Variants in KIAA0825 observed in about 807,000 individuals in gnomAD.
The protein encoded by KIAA0825 is KIAA0825.
In KIAA0825, 119 loss-of-function variants were observed where a neutral mutation model predicts 147.6. The observed-to-expected ratio is 0.81, with a 90% confidence interval of 0.69 to 0.94. The LOEUF (loss-of-function observed/expected upper bound fraction) is 0.94. Among genes scored for constraint, KIAA0825 ranks in the 40% least tolerant of loss-of-function variants. The pLI is 0.00. For synonymous variants in KIAA0825, 470 were observed against 518.1 expected (o/e 0.91, Z 1.26); for missense variants, 1,381 against 1,472.7 (o/e 0.94, Z 1.02).
At chr5:94,562,754 A>C (rs894728239) in intron 2 of KIAA0825, among the ~76,000 whole-genome samples, 15 of 152,342 alleles carry the variant, frequency 9.8e-5, no homozygotes, top group Non-Finnish European at 2.2e-4. Flanking sequence ...TATCAGACCA[A>C]TGACTGTAAT....
intron 20 of KIAA0825, among the ~76,000 whole-genome samples, chr5:94,271,534 G>T (rs527390523): frequency 6.6e-6 from 1 of 152,266 alleles, no homozygotes; most frequent in African/African-American, 2.4e-5. Flanking sequence ...GATCACCTGA[G>T]GTCAAGAGTT....
chr5:94,522,551 A>T (rs1367907218), intron 4 of KIAA0825, among the ~76,000 whole-genome samples: 1 of 151,668 alleles, frequency 6.6e-6, no homozygotes. Context: ...ATCTGCCATA[A>T]TGAGGACCTC....
intron 5 of KIAA0825, among the ~76,000 whole-genome samples, chr5:94,512,104 T>C (rs1389780156): frequency 6.6e-6 from 1 of 152,176 alleles, no homozygotes; most frequent in Non-Finnish European, 1.5e-5. Context: ...TATTCTATCA[T>C]AATGTACATC....
At chr5:94,276,053 C>T (rs1372673939) in intron 20 of KIAA0825, among the ~76,000 whole-genome samples, 1 of 152,086 alleles carries the variant, frequency 6.6e-6, no homozygotes, top group Non-Finnish European at 1.5e-5. Flanking sequence ...GGAATGACAT[C>T]TGCTGCACTG....
intron 20 of KIAA0825, among the ~76,000 whole-genome samples, chr5:94,384,059 A>G (rs1392180961): frequency 6.6e-6 from 1 of 152,174 alleles, no homozygotes; most frequent in Non-Finnish European, 1.5e-5. Flanking sequence ...ACTATTAAAT[A>G]TACAAAGTCA....
intron 14 of KIAA0825, among the ~76,000 whole-genome samples, chr5:94,419,933 A>ATAAG (rs1753958410): frequency 6.6e-6 from 1 of 152,144 alleles, no homozygotes; most frequent in South Asian, 2.1e-4. Flanking sequence ...TCTAAGTGAT[A>ATAAG]TAAGTATGAG....
intron 4 of KIAA0825, among the ~76,000 whole-genome samples, chr5:94,522,576 A>G (rs1768434607): frequency 6.6e-6 from 1 of 151,702 alleles, no homozygotes; most frequent in Non-Finnish European, 1.5e-5. Context: ...TCTTATTTAA[A>G]TCACTAGAAA....
intron 20 of KIAA0825, among the ~76,000 whole-genome samples, chr5:94,201,410 A>C (rs574719742): frequency 3.8e-4 from 57 of 151,756 alleles, no homozygotes; most frequent in Non-Finnish European, 8.0e-4. Flanking sequence ...ATTCAATGAC[A>C]CTTTAAAAAA....
In KIAA0825 at chr5:94,453,022, G is replaced by A; in HGVS notation, c.2294C>T (p.Ser765Leu). 6.5e-7 allele frequency: 1 copy of A among 1,528,554 alleles called. No homozygotes were observed. The highest frequency in any genetic ancestry group is 8.8e-7 in the Non-Finnish European group (1 of 1,138,620). 94.7% of individuals were successfully genotyped at this position (1,528,554 alleles called of 1,614,324 possible). A position where few individuals can be genotyped will look rare whatever the true frequency, so the allele number is the denominator to read the frequency against. ...LDESASDSLK[S>L]FFKQPLYWVS... ...CCAATATAATGGTTGCTTAAAAAAT[G>A]ATTTTAAGGAATCTGAAGCAGACTC... Residue 765 changes from serine (S) to leucine (L), a missense_variant, in exon 13 of 21, where the codon TCA becomes TTA. Ser to Leu is a moderately radical substitution (Grantham distance 145, BLOSUM62 -2). Coordinates refer to ENST00000682413, the MANE Select transcript of KIAA0825 (RefSeq NM_001145678.3).
intron 13 of KIAA0825, among the ~76,000 whole-genome samples, chr5:94,449,621 G>T (rs1758143798): frequency 6.6e-6 from 1 of 152,024 alleles, no homozygotes; most frequent in Non-Finnish European, 1.5e-5. Flanking sequence ...AATGAAAGTG[G>T]GTATTCAAGA....
intron 1 of KIAA0825, chr5:94,594,817 T>C (rs937559910): frequency 4.2e-6 from 2 of 471,496 alleles, no homozygotes; most frequent in Admixed American, 3.1e-5. Flanking sequence ...AAAATGAGTG[T>C]TATCATGTGT....
At chr5:94,307,017 C>A (rs999479085) in intron 20 of KIAA0825, among the ~76,000 whole-genome samples, 2 of 151,760 alleles carry the variant, frequency 1.3e-5, no homozygotes, top group Non-Finnish European at 2.9e-5. Flanking sequence ...CTGACAAACA[C>A]CAACACTTGC....
In KIAA0825 at chr5:94,583,729, G is replaced by C. The variant is rs540696675; in HGVS notation, c.-152-1146C>G. 8.3e-4 allele frequency among the ~76,000 whole-genome samples: 126 copies of C among 152,244 alleles called. 1 individual carries two copies. Among genetic ancestry groups the C allele is most frequent in the Admixed American group, 3.1e-3 (47 of 15,298 alleles). ...AATGGACAGACTGCCTCCTCAAGTG[G>C]GTCCCTGACCCCTGTGTAGCCTGAC... On this transcript the variant is annotated intron_variant, in intron 1 of 20. Transcript: ENST00000682413.
chr5:94,344,454 C>T (rs1281067010), intron 20 of KIAA0825, among the ~76,000 whole-genome samples: 1 of 152,156 alleles, frequency 6.6e-6, no homozygotes, highest in Non-Finnish European at 1.5e-5. Context: ...AACACTTGTG[C>T]ACTGCTAATG....
At chr5:94,192,569 C>T (rs1770767273) in intron 20 of KIAA0825, among the ~76,000 whole-genome samples, 1 of 152,112 alleles carries the variant, frequency 6.6e-6, no homozygotes, top group South Asian at 2.1e-4. Flanking sequence ...GCTGAAGCAT[C>T]CAAATGATTG....
chr5:94,327,446 C>T (rs1054707344), intron 20 of KIAA0825, among the ~76,000 whole-genome samples: 1 of 152,002 alleles, frequency 6.6e-6, no homozygotes, highest in East Asian at 1.9e-4. Context: ...CTCTTCATCA[C>T]CGTCTCTACA....
At chr5:94,379,042 C>G (rs1748000639) in intron 20 of KIAA0825, among the ~76,000 whole-genome samples, 1 of 152,232 alleles carries the variant, frequency 6.6e-6, no homozygotes, top group Non-Finnish European at 1.5e-5. Flanking sequence ...TATTTTCTCC[C>G]ATTCTGTAGG....
intron 12 of KIAA0825, among the ~76,000 whole-genome samples, chr5:94,454,871 A>ATGTT (rs1346282291): frequency 2.0e-5 from 3 of 152,202 alleles, no homozygotes; most frequent in African/African-American, 7.2e-5. Flanking sequence ...AGTAGTAGAC[A>ATGTT]AATATAAAAC....
At chr5:94,401,391 T>C (rs1751355663) in intron 16 of KIAA0825, among the ~76,000 whole-genome samples, 1 of 152,180 alleles carries the variant, frequency 6.6e-6, no homozygotes, top group Admixed American at 6.6e-5. Flanking sequence ...TTTTAAACTG[T>C]AGTTGACTTA....
Sources: gnomAD v4.1 joint callset for allele counts (sites outside exome capture counted in the v4.1 genomes callset) on GRCh38, gnomAD v4.1.1 for gene constraint, MANE v1.5 for transcripts, NCBI Gene and HGNC (gene_info 2026-07-23, HGNC 2026-07-21) for gene names.